The following IL1RAP variants were observed in gnomAD, a reference collection of about 807,000 sequenced individuals.
IL1RAP encodes interleukin 1 receptor accessory protein, also known as interleukin-1 receptor accessory protein.
In IL1RAP, 35 loss-of-function variants were observed where a neutral mutation model predicts 60.7. The observed-to-expected ratio is 0.58, with a 90% confidence interval of 0.44 to 0.76. The LOEUF (loss-of-function observed/expected upper bound fraction) is 0.76. Ranked by LOEUF, IL1RAP falls within the 30% of genes least tolerant of loss-of-function variation. IL1RAP has a pLI of 0.00. For missense variants in IL1RAP, 572 were observed against 693.9 expected (o/e 0.82, Z 1.97); for synonymous variants, 268 against 250.9 (o/e 1.07, Z -0.64).
chr3:190,656,755 G>A (rs1201036183), exon 12 of IL1RAP: 1 of 583,888 alleles, frequency 1.7e-6, no homozygotes, highest in Non-Finnish European at 2.9e-6. Flanking sequence ...ATTTCTAGGA[G>A]ACAAAAGACC....
intron 1 of IL1RAP, among the ~76,000 whole-genome samples, chr3:190,532,275 T>TA (rs1723050900): frequency 2.0e-5 from 3 of 150,462 alleles, no homozygotes; most frequent in Non-Finnish European, 4.4e-5. Context: ...TTTTTTTTTT[T>TA]TTTTTGAGAT....
intron 1 of IL1RAP, chr3:190,550,312 G>A (rs1560160478): frequency 6.6e-6 from 1 of 152,166 alleles, no homozygotes; most frequent in Non-Finnish European, 1.5e-5. Flanking sequence ...CATGGCCTCT[G>A]GATCCCTTAG....
intron 8 of IL1RAP, 80 bp from the exon 9 acceptor site, chr3:190,629,270 G>A: frequency 9.8e-7 from 1 of 1,016,494 alleles, no homozygotes; most frequent in Non-Finnish European, 1.4e-6. Context: ...GTCTGTGGTT[G>A]CTTACTTGTC....
rs185831506 is a variant in IL1RAP, at chr3:190,629,185, C to T, written c.903-165C>T. 5.7e-4 allele frequency among the ~76,000 whole-genome samples: 87 copies of T among 152,256 alleles called. 1 individual carries two copies. Among genetic ancestry groups the T allele is most frequent in the Admixed American group, 2.0e-3 (31 of 15,296 alleles). Reference sequence around the variant, plus strand: ...GGTATAGTATAGTGTTAGAATCTTACCATTAATACTTTGTAATCACTGCAT... The same window carrying T: ...GGTATAGTATAGTGTTAGAATCTTATCATTAATACTTTGTAATCACTGCAT... On this transcript the variant is annotated intron_variant, in intron 8 of 11. Transcript: ENST00000447382.
chr3:190,588,885 A>G (rs966207421), intron 3 of IL1RAP, among the ~76,000 whole-genome samples: 1 of 152,214 alleles, frequency 6.6e-6, no homozygotes, highest in Non-Finnish European at 1.5e-5. Flanking sequence ...AAGAGAAAAG[A>G]GAAACAAAGA....
At chr3:190,520,190 G>A (rs1159675905) in intron 1 of IL1RAP, among the ~76,000 whole-genome samples, 4 of 152,148 alleles carry the variant, frequency 2.6e-5, no homozygotes, top group African/African-American at 9.7e-5. Context: ...TATCTGCTGA[G>A]GATATGGTTT....
At chr3:190,624,466 C>T (rs1214379089) in intron 7 of IL1RAP, 1 of 152,142 alleles carries the variant, frequency 6.6e-6, no homozygotes. Context: ...TTTTATATGA[C>T]CTCCCAACTG....
chr3:190,565,352 G>C (rs867268292), intron 3 of IL1RAP, among the ~76,000 whole-genome samples: 2 of 152,076 alleles, frequency 1.3e-5, no homozygotes, highest in Admixed American at 6.6e-5. Flanking sequence ...TTGTGAGAGG[G>C]CTTCTGCAAT....
At chr3:190,609,316 G>C in intron 5 of IL1RAP, 135 bp downstream of exon 5, 1 of 573,518 alleles carries the variant, frequency 1.7e-6, no homozygotes, top group Non-Finnish European at 2.9e-6. Context: ...CTTTATGGAA[G>C]TATTTCAGCA....
At chr3:190,540,098 A>G (rs1281845655) in intron 1 of IL1RAP, among the ~76,000 whole-genome samples, 2 of 152,258 alleles carry the variant, frequency 1.3e-5, no homozygotes, top group Admixed American at 6.5e-5. Context: ...CCACATAAAG[A>G]GAAAACACTG....
At chr3:190,597,624 C>T (rs1729494446) in intron 3 of IL1RAP, among the ~76,000 whole-genome samples, 1 of 152,202 alleles carries the variant, frequency 6.6e-6, no homozygotes, top group South Asian at 2.1e-4. Flanking sequence ...AGGAAATTCA[C>T]ATGGCCCCAA....
In IL1RAP at chr3:190,648,495, A is replaced by T. The variant is rs754905893; in HGVS notation, c.1503A>T (p.Val501=). The T allele has an allele frequency of 1.2e-6, 2 of 1,614,098 alleles. No individual in the cohort carries two copies. Among genetic ancestry groups the T allele is most frequent in the Admixed American group, 1.7e-5 (1 of 60,016 alleles). Reference sequence around the variant, plus strand: ...GGGGCAACATCAACGTCATTTTAGTACAGTACAAAGCTGTGAAGGAAACGA... The same window carrying T: ...GGGGCAACATCAACGTCATTTTAGTTCAGTACAAAGCTGTGAAGGAAACGA... ...ASRGNINVIL[V]QYKAVKETKV... Residue 501 remains valine, a synonymous_variant, in exon 12 of 12, where the codon GTA becomes GTT. Coordinates refer to ENST00000447382, the MANE Select transcript of IL1RAP (RefSeq NM_002182.4).
At chr3:190,596,794 C>A (rs1274803521) in intron 3 of IL1RAP, among the ~76,000 whole-genome samples, 1 of 152,176 alleles carries the variant, frequency 6.6e-6, no homozygotes, top group Non-Finnish European at 1.5e-5. Flanking sequence ...TGCATAACAG[C>A]CTTTTCCTGT....
intron 3 of IL1RAP, among the ~76,000 whole-genome samples, chr3:190,586,203 G>A (rs185636161): frequency 6.6e-6 from 1 of 152,166 alleles, no homozygotes; most frequent in African/African-American, 2.4e-5. Context: ...TTTAGCATTT[G>A]CTTCATTTTG....
intron 7 of IL1RAP, among the ~76,000 whole-genome samples, chr3:190,624,434 G>A (rs1039155426): frequency 6.6e-6 from 1 of 152,166 alleles, no homozygotes; most frequent in African/African-American, 2.4e-5. Context: ...TTTTATAATA[G>A]GCATGTGTGT....
In IL1RAP at chr3:190,545,990, G is replaced by A. The variant is rs143320700; in HGVS notation, c.-88-10140G>A. Among the ~76,000 whole-genome samples the A allele has an allele frequency of 5.3e-5, 8 of 152,110 alleles. No homozygotes were observed. The East Asian group carries it at 1.2e-3, about 22-fold the overall frequency. ...GTAGTCATAATGGAACATCCTTTTCGTGGCCCCACTGCTTGGGTGATGACC... is the reference window on the plus strand; with the variant it reads ...GTAGTCATAATGGAACATCCTTTTCATGGCCCCACTGCTTGGGTGATGACC... On this transcript the variant is annotated intron_variant, in intron 1 of 11. Transcript: ENST00000447382.
chr3:190,577,424 A>G (rs956333629), intron 3 of IL1RAP, among the ~76,000 whole-genome samples: 11 of 152,200 alleles, frequency 7.2e-5, no homozygotes, highest in Admixed American at 3.3e-4. Flanking sequence ...AGTTTTTACC[A>G]CATGAAAATT....
At chr3:190,640,403 A>G (rs1044415145) in intron 9 of IL1RAP, among the ~76,000 whole-genome samples, 1 of 152,232 alleles carries the variant, frequency 6.6e-6, no homozygotes, top group African/African-American at 2.4e-5. Context: ...ACATGTTTTA[A>G]CACACTATAA....
At chr3:190,614,715 A>T (rs1208932900) in intron 5 of IL1RAP, among the ~76,000 whole-genome samples, 1 of 152,114 alleles carries the variant, frequency 6.6e-6, no homozygotes, top group African/African-American at 2.4e-5. Flanking sequence ...TATATAATTT[A>T]CTCAAAACAA....
Sources: gnomAD v4.1 joint callset for allele counts (sites outside exome capture counted in the v4.1 genomes callset) on GRCh38, gnomAD v4.1.1 for gene constraint, MANE v1.5 for transcripts, NCBI Gene and HGNC (gene_info 2026-07-23, HGNC 2026-07-21) for gene names.